RAPGEF5: variants seen among roughly 807,000 people sequenced by gnomAD.
RAPGEF5 encodes M-Ras-regulated GEF.
Under a neutral mutation model 125.2 loss-of-function variants are expected in RAPGEF5, and 65 were observed. That is an observed-to-expected ratio of 0.52 (90% CI 0.43 to 0.64). The LOEUF (loss-of-function observed/expected upper bound fraction) is 0.64, where lower values mean the gene tolerates loss of function less well. Ranked by LOEUF, RAPGEF5 falls within the 30% of genes least tolerant of loss-of-function variation. The probability of loss-of-function intolerance (pLI) is 0.00; values close to 1 mark genes in which losing one functional copy is unlikely to be tolerated. For missense variants in RAPGEF5, 958 were observed against 1,048.1 expected (o/e 0.91, Z 1.19); for synonymous variants, 391 against 385.9 (o/e 1.01, Z -0.16).
At chr7:22,338,568 G>C (rs1475912997) in intron 1 of RAPGEF5, among the ~76,000 whole-genome samples, 1 of 152,182 alleles carries the variant, frequency 6.6e-6, no homozygotes, top group Admixed American at 6.5e-5. Context: ...TCTAATGGCT[G>C]AGGTAGACAT....
intron 1 of RAPGEF5, among the ~76,000 whole-genome samples, chr7:22,333,654 A>T (rs1209172485): frequency 6.6e-6 from 1 of 152,242 alleles, no homozygotes; most frequent in East Asian, 1.9e-4. Flanking sequence ...GCTTTGGTCA[A>T]GGAATAGGCT....
chr7:22,171,133 A>G (rs1441616328), intron 11 of RAPGEF5, among the ~76,000 whole-genome samples: 2 of 152,100 alleles, frequency 1.3e-5, no homozygotes, highest in Admixed American at 6.5e-5. Flanking sequence ...TATAACAGCC[A>G]TGCTTCCAAA....
At chr7:22,271,428 C>T (rs1471899170) in intron 6 of RAPGEF5, among the ~76,000 whole-genome samples, 2 of 152,158 alleles carry the variant, frequency 1.3e-5, no homozygotes, top group Admixed American at 6.5e-5. Flanking sequence ...AGGAACGTGG[C>T]CTTCACTGTA....
intron 11 of RAPGEF5, among the ~76,000 whole-genome samples, chr7:22,179,200 A>T (rs1784599158): frequency 6.6e-6 from 1 of 152,142 alleles, no homozygotes; most frequent in Non-Finnish European, 1.5e-5. Context: ...TAGATTTATT[A>T]ATTTGTGCCA....
chr7:22,166,939 A>C, intron 12 of RAPGEF5, 131 bp downstream of exon 12: 1 of 716,068 alleles, frequency 1.4e-6, no homozygotes, highest in Non-Finnish European at 2.4e-6. Flanking sequence ...CTTGGATATC[A>C]TTACATTAAT....
chr7:22,172,795 G>A lies in RAPGEF5; in HGVS notation c.1205-5647C>T, dbSNP rs868255734. Among the ~76,000 whole-genome samples, 6 of 152,110 alleles carry A rather than the reference G, an allele frequency of 3.9e-5. 1 individual carries two copies. Among genetic ancestry groups the A allele is most frequent in the South Asian group, 4.1e-4 (2 of 4,822 alleles). ...GTCTAAAAATCACTAGAAGTATAGCGTTACGTAGGAAAAATTATATAAATC... is the reference window on the plus strand; with the variant it reads ...GTCTAAAAATCACTAGAAGTATAGCATTACGTAGGAAAAATTATATAAATC... On this transcript the variant is annotated intron_variant, in intron 11 of 25. Coordinates refer to ENST00000665637, the MANE Select transcript of RAPGEF5 (RefSeq NM_012294.5).
intron 12 of RAPGEF5, 106 bp from the exon 13 acceptor site, chr7:22,162,647 C>T: frequency 8.9e-7 from 1 of 1,119,650 alleles, no homozygotes; most frequent in Non-Finnish European, 1.3e-6. Flanking sequence ...AGTGTATAAA[C>T]ATGCAGGAAG....
intron 3 of RAPGEF5, among the ~76,000 whole-genome samples, chr7:22,314,414 C>T (rs550871324): frequency 1.3e-5 from 2 of 152,158 alleles, no homozygotes; most frequent in East Asian, 3.9e-4. Context: ...TCGGTGGTCT[C>T]ACTCTGATAG....
chr7:22,174,301 C>T (rs751089008), intron 11 of RAPGEF5, among the ~76,000 whole-genome samples: 3 of 152,146 alleles, frequency 2.0e-5, no homozygotes, highest in Admixed American at 6.5e-5. Context: ...AGCAAAGCAA[C>T]GGATGTGGGT....
At chr7:22,344,734 G>C (rs928804788) in intron 1 of RAPGEF5, among the ~76,000 whole-genome samples, 1 of 152,234 alleles carries the variant, frequency 6.6e-6, no homozygotes, top group Non-Finnish European at 1.5e-5. Context: ...TGCCATGGGC[G>C]ATGATGCTCC....
intron 7 of RAPGEF5, among the ~76,000 whole-genome samples, chr7:22,249,623 A>G (rs770286553): frequency 6.6e-6 from 1 of 152,216 alleles, no homozygotes; most frequent in Non-Finnish European, 1.5e-5. Context: ...TTCTCCTTTT[A>G]TAAAGCTTTC....
intron 1 of RAPGEF5, among the ~76,000 whole-genome samples, chr7:22,340,890 G>A (rs1168659805): frequency 1.3e-5 from 2 of 152,148 alleles, no homozygotes; most frequent in Non-Finnish European, 2.9e-5. Context: ...AGCTTTACTG[G>A]AGAAATGACC....
At position 22,310,061 on chromosome 7, in the gene RAPGEF5, T is replaced by A; in HGVS notation, c.419A>T (p.Asp140Val). The A allele has an allele frequency of 6.3e-7, 1 of 1,594,230 alleles. No individual in the cohort carries two copies. Reference sequence around the variant, plus strand: ...GAAAGGACAGTGTTCTAGAAGCCAGTCTACCAGCTCTGACCCAACGCAGCT... The same window carrying A: ...GAAAGGACAGTGTTCTAGAAGCCAGACTACCAGCTCTGACCCAACGCAGCT... ...RRSCVGSELVDWLLEHCPFVQ... is the reference protein window; with the variant it reads ...RRSCVGSELVVWLLEHCPFVQ... Residue 140 changes from aspartate (D) to valine (V), a missense_variant, in exon 4 of 26, where the codon GAC (aspartate) becomes GTC (valine). Physicochemically the swap from Asp to Val is radical, Grantham distance 152. Coordinates refer to ENST00000665637, the MANE Select transcript of RAPGEF5 (RefSeq NM_012294.5).
rs369439959 is a variant in RAPGEF5 at position 22,262,355 on chromosome 7, C to T, written c.796+4609G>A. Among the ~76,000 whole-genome samples, 51 of 152,004 alleles carry T rather than the reference C, an allele frequency of 3.4e-4. 1 individual carries two copies. The highest frequency in any genetic ancestry group is 6.2e-4 in the South Asian group (3 of 4,812). ...ATCAGGGAAACGCAAATAAAAATGA[C>T]GAAAAGGTATCACTATACGCCTATC... On this transcript the variant is annotated intron_variant, in intron 7 of 25. Coordinates refer to ENST00000665637, the MANE Select transcript of RAPGEF5 (RefSeq NM_012294.5).
intron 8 of RAPGEF5, among the ~76,000 whole-genome samples, chr7:22,225,651 T>C (rs1283718377): frequency 1.3e-5 from 2 of 152,240 alleles, no homozygotes; most frequent in African/African-American, 4.8e-5. Context: ...AGCTTTGCTA[T>C]GGCAGGAGAA....
At chr7:22,229,791 C>CTTAG (rs1029062540) in intron 8 of RAPGEF5, among the ~76,000 whole-genome samples, 5 of 152,126 alleles carry the variant, frequency 3.3e-5, no homozygotes, top group African/African-American at 1.2e-4. Flanking sequence ...TCCTAACCAG[C>CTTAG]TTAGGCCTAT....
At chr7:22,294,873 T>C (rs1783023672) in intron 5 of RAPGEF5, among the ~76,000 whole-genome samples, 1 of 152,218 alleles carries the variant, frequency 6.6e-6, no homozygotes, top group Non-Finnish European at 1.5e-5. Context: ...CCCGTCTCAC[T>C]TAGCATAAAG....
At chr7:22,316,331 A>G (rs1036856609) in intron 2 of RAPGEF5, among the ~76,000 whole-genome samples, 3 of 136,904 alleles carry the variant, frequency 2.2e-5, no homozygotes, top group South Asian at 2.4e-4. Context: ...TTCTTAGTAA[A>G]TTTTTTATGT....
At chr7:22,187,090 G>A (rs1583462366) in intron 11 of RAPGEF5, among the ~76,000 whole-genome samples, 1 of 152,174 alleles carries the variant, frequency 6.6e-6, no homozygotes, top group Non-Finnish European at 1.5e-5. Context: ...CTACGAGGCT[G>A]AAGAAATGTA....
Sources: allele counts gnomAD v4.1 joint callset (sites outside exome capture counted in the v4.1 genomes callset), GRCh38; gene constraint gnomAD v4.1.1; transcripts MANE v1.5; gene names NCBI Gene and HGNC (gene_info 2026-07-23, HGNC 2026-07-21).